The following CREB3L2 variants were observed in gnomAD, a reference collection of about 807,000 sequenced individuals.
CREB3L2 encodes the protein cAMP responsive element binding protein 3 like 2.
CREB3L2 carries 23 observed loss-of-function variants against 57.2 expected under a neutral mutation model. The observed-to-expected ratio is 0.40, with a 90% CI of 0.29 to 0.57. The LOEUF (loss-of-function observed/expected upper bound fraction) is 0.57. Among genes scored for constraint, CREB3L2 ranks in the 20% least tolerant of loss-of-function variants. CREB3L2 has a pLI of 0.42. For missense variants in CREB3L2, 628 were observed against 634.7 expected (o/e 0.99, Z 0.11); for synonymous variants, 268 against 265.1 (o/e 1.01, Z -0.11).
rs919996770 is a variant in CREB3L2 at position 137,881,116 on chromosome 7, C to A, written c.1488-565G>T. 3.7e-4 allele frequency among the ~76,000 whole-genome samples: 57 copies of A among 152,222 alleles called. 1 individual carries two copies. The highest frequency in any genetic ancestry group is 1.3e-3 in the African/African-American group (55 of 41,540). On this transcript the variant is annotated intron_variant, in intron 11 of 11. Transcript: ENST00000330387. ...AATGGGATTTGAAGTGGGCCTTGAA[C>A]AGCTTAGCTGAGAGAAGAGAAACTG...
intron 1 of CREB3L2, among the ~76,000 whole-genome samples, chr7:137,938,102 C>T (rs768238742): frequency 6.6e-6 from 1 of 152,126 alleles, no homozygotes. Context: ...GGTGGAGACA[C>T]GTCTTTATAC....
intron 2 of CREB3L2, among the ~76,000 whole-genome samples, chr7:137,918,353 G>A (rs1332167256): frequency 2.0e-5 from 3 of 152,090 alleles, no homozygotes; most frequent in East Asian, 3.9e-4. Context: ...ACGACGCCCA[G>A]CTAATTTTTA....
intron 1 of CREB3L2, among the ~76,000 whole-genome samples, chr7:137,985,986 C>T (rs762987776): frequency 7.9e-5 from 12 of 152,078 alleles, no homozygotes; most frequent in Admixed American, 1.3e-4. Context: ...CTTCCTAGGC[C>T]TCTCAGAAAC....
At chr7:137,913,201 C>T in intron 3 of CREB3L2, 123 bp from the exon 4 acceptor site, 1 of 976,122 alleles carries the variant, frequency 1.0e-6, no homozygotes, top group Non-Finnish European at 1.5e-6. Flanking sequence ...TGGAGAATAG[C>T]TGAGTGTAGG....
intron 7 of CREB3L2, among the ~76,000 whole-genome samples, chr7:137,903,081 G>T (rs1799797231): frequency 6.6e-6 from 1 of 152,138 alleles, no homozygotes; most frequent in African/African-American, 2.4e-5. Context: ...CCAAAGCACG[G>T]GGATTATAAG....
chr7:137,902,046 T>C (rs1306955989), intron 7 of CREB3L2, among the ~76,000 whole-genome samples: 1 of 150,968 alleles, frequency 6.6e-6, no homozygotes, highest in Non-Finnish European at 1.5e-5. Flanking sequence ...ATGCAAAAAT[T>C]AGCTGAGCAT....
chr7:137,943,997 C>T (rs570579509), intron 1 of CREB3L2, among the ~76,000 whole-genome samples: 100 of 152,308 alleles, frequency 6.6e-4, no homozygotes, highest in African/African-American at 2.3e-3. Flanking sequence ...AACTTCTCTT[C>T]GTGACTGTCT....
chr7:137,882,931 T>TCTA (rs1017318899), intron 10 of CREB3L2, among the ~76,000 whole-genome samples: 58 of 151,912 alleles, frequency 3.8e-4, no homozygotes, highest in African/African-American at 1.4e-3. Context: ...CCCATAACCA[T>TCTA]CTAGGGAAAA....
At chr7:137,937,823 CAAAA>C (rs3087067) in intron 1 of CREB3L2, among the ~76,000 whole-genome samples, 1 of 135,090 alleles carries the variant, frequency 7.4e-6, no homozygotes, top group Non-Finnish European at 1.6e-5. Context: ...GGCTTATTAC[CAAAA>C]AAAAAAAAAA....
In CREB3L2 at chr7:137,928,171, T is replaced by C; in HGVS notation, c.298A>G (p.Thr100Ala). ...RAQSPFTHIT[T>A]SDSFNDDEVE... ...TTACCGTCATTGAAGCTGTCACTGG[T>C]GGTAATGTGGGTGAAGGGCGACTGG... is the stretch of plus-strand genomic sequence containing the variant. The change falls in exon 2 of 12, where the codon ACC becomes GCC. Residue 100 changes from threonine (T) to alanine (A), a missense_variant. Physicochemically the swap from Thr to Ala is moderately conservative, Grantham distance 58 (BLOSUM62 0). Around this residue, in one of 3 missense-constraint regions of CREB3L2, gnomAD observed 339 missense variants for 355.4 expected, o/e 0.95. Coordinates refer to ENST00000330387, the MANE Select transcript of CREB3L2 (RefSeq NM_194071.4). 6.9e-7 allele frequency: 1 copy of C among 1,446,054 alleles called. No homozygotes were observed. The highest frequency in any genetic ancestry group is 9.1e-7 in the Non-Finnish European group (1 of 1,102,180). 89.6% of individuals were successfully genotyped at this position (1,446,054 alleles called of 1,614,324 possible).
chr7:137,885,586 C>G, intron 8 of CREB3L2, 84 bp from the exon 9 acceptor site: 1 of 1,099,752 alleles, frequency 9.1e-7, no homozygotes, highest in Non-Finnish European at 1.4e-6. Context: ...AAGAAGGCCG[C>G]CGTGCCTTTG....
chr7:137,993,184 T>G (rs2117330675), intron 1 of CREB3L2, among the ~76,000 whole-genome samples: 1 of 152,348 alleles, frequency 6.6e-6, no homozygotes, highest in East Asian at 1.9e-4. Context: ...ACATTTGACT[T>G]AGGGGATAGG....
intron 3 of CREB3L2, 141 bp downstream of exon 3, chr7:137,915,696 G>C (rs1364211938): frequency 3.1e-6 from 2 of 650,552 alleles, no homozygotes; most frequent in Non-Finnish European, 5.2e-6. Flanking sequence ...GTATACATAT[G>C]TATATACACA....
chr7:137,952,867 G>C (rs934310965), intron 1 of CREB3L2, among the ~76,000 whole-genome samples: 6 of 152,168 alleles, frequency 3.9e-5, no homozygotes, highest in East Asian at 1.9e-4. Flanking sequence ...AACTAGGCTG[G>C]AGTGCAGTGG....
rs1799136649 is a variant in CREB3L2 at position 137,875,810 on chromosome 7, C to T, written c.*4666G>A. On this transcript the variant is annotated 3_prime_UTR_variant, in exon 12 of 12. Transcript: ENST00000330387. ...CTTAAAATTTACTTAGCACAGCACG[C>T]AACACCCTAGTAAATGCTCAAGAAA... is the stretch of plus-strand genomic sequence containing the variant. 1 of 224,446 alleles carries T rather than the reference C, an allele frequency of 4.5e-6. No individual in the cohort carries two copies. 13.9% of individuals were successfully genotyped at this position (224,446 alleles called of 1,614,324 possible).
At chr7:137,891,727 C>T (rs1799531567) in intron 8 of CREB3L2, among the ~76,000 whole-genome samples, 1 of 152,160 alleles carries the variant, frequency 6.6e-6, no homozygotes, top group African/African-American at 2.4e-5. Context: ...AGGCATATGC[C>T]ACCACGCCCG....
chr7:137,919,557 A>C (rs937550429), intron 2 of CREB3L2, among the ~76,000 whole-genome samples: 1 of 152,234 alleles, frequency 6.6e-6, no homozygotes, highest in East Asian at 1.9e-4. Context: ...CACTCTGGCC[A>C]GTAATCTTCC....
Position 138,001,524 on chromosome 7 carries a change from T to C in CREB3L2, c.102+80A>G. ...CTGCCCCAAACCCTGCCTTCCCGGG[T>C]CCCAGGACTCCAGCTGCTCCTCGCG... On this transcript the variant is annotated intron_variant, in intron 1 of 11. Coordinates refer to ENST00000330387, the MANE Select transcript of CREB3L2 (RefSeq NM_194071.4). The surrounding 1 kb of genome is among the most constrained non-coding windows in gnomAD (Gnocchi z 4.2). 1.9e-6 allele frequency: 2 copies of C among 1,066,156 alleles called. No individual in the cohort carries two copies. The highest frequency in any genetic ancestry group is 2.6e-5 in the East Asian group (1 of 38,186). 66.0% of individuals were successfully genotyped at this position (1,066,156 alleles called of 1,614,324 possible).
Position 137,884,995 on chromosome 7 carries a change from C to T in CREB3L2, c.1270G>A (p.Val424Met). 1 of 1,614,170 alleles carries T rather than the reference C, an allele frequency of 6.2e-7. No homozygotes were observed. Among genetic ancestry groups the T allele is most frequent in the Non-Finnish European group, 8.5e-7 (1 of 1,180,034 alleles). ...SLQEPYTASV[V>M]RSRNLLIYEE... ...CCCAACTTGCCACATGCTGTCTTAC[C>T]CACGGAGGCTGTGTAGGGCTCCTGC... Residue 424 changes from valine to methionine, a missense_variant and splice_region_variant, in exon 10 of 12, where the codon GTG becomes ATG. Val to Met is a conservative substitution (Grantham distance 21). This residue lies in a region of CREB3L2 where 272 missense variants were observed against 242.7 expected (regional missense o/e 1.12). Transcript: ENST00000330387.
Sources: gnomAD v4.1 joint callset for allele counts (sites outside exome capture counted in the v4.1 genomes callset) on GRCh38, gnomAD v4.1.1 for gene constraint, gnomAD v4.1.1 regional missense constraint, Gnocchi (gnomAD v3.1) non-coding constraint, MANE v1.5 for transcripts, NCBI Gene and HGNC (gene_info 2026-07-23, HGNC 2026-07-21) for gene names.